Variants in KDM4C observed in about 807,000 individuals in gnomAD.
KDM4C encodes lysine demethylase 4C.
A neutral mutation model predicts 129.3 loss-of-function variants in KDM4C; 81 were observed. The observed-to-expected ratio is 0.63, with a 90% CI of 0.52 to 0.75. The LOEUF (loss-of-function observed/expected upper bound fraction) is 0.75, where lower values mean the gene tolerates loss of function less well. Ranked by LOEUF, KDM4C falls within the 30% of genes least tolerant of loss-of-function variation. KDM4C has a pLI of 0.00. For synonymous variants in KDM4C, 573 were observed against 456.1 expected (o/e 1.26, Z -3.26); for missense variants, 1,457 against 1,304.0 (o/e 1.12, Z -1.81).
chr9:6,995,768 T>C (rs1480250038), intron 12 of KDM4C, among the ~76,000 whole-genome samples: 1 of 151,862 alleles, frequency 6.6e-6, no homozygotes, highest in Non-Finnish European at 1.5e-5. Context: ...GCCTGCTGGG[T>C]TCACACCATT....
chr9:6,759,154 C>G (rs940940957), intron 1 of KDM4C, among the ~76,000 whole-genome samples: 1 of 152,038 alleles, frequency 6.6e-6, no homozygotes, highest in Non-Finnish European at 1.5e-5. Flanking sequence ...AAGCACTGTT[C>G]GGAAATGTAG....
At chr9:7,140,983 G>A (rs961036613) in intron 19 of KDM4C, among the ~76,000 whole-genome samples, 1 of 152,242 alleles carries the variant, frequency 6.6e-6, no homozygotes, top group Admixed American at 6.5e-5. Context: ...AAGTGCAGCT[G>A]CTGGAGGAGG....
At chr9:7,036,190 T>A (rs147987030) in intron 15 of KDM4C, among the ~76,000 whole-genome samples, 1 of 152,182 alleles carries the variant, frequency 6.6e-6, no homozygotes, top group Non-Finnish European at 1.5e-5. Context: ...TCTCTTATAG[T>A]GGTCTTTCAC....
At chr9:7,094,826 C>G (rs1198486086) in intron 17 of KDM4C, among the ~76,000 whole-genome samples, 1 of 152,160 alleles carries the variant, frequency 6.6e-6, no homozygotes, top group Non-Finnish European at 1.5e-5. Context: ...TGGGCTGCTG[C>G]TAGCATAATT....
intron 5 of KDM4C, among the ~76,000 whole-genome samples, chr9:6,859,791 A>G (rs12376501): frequency 0.26 from 38,616 of 149,208 alleles, 5,405 homozygotes; most frequent in Middle Eastern, 0.41. Flanking sequence ...CGTGAACCTG[A>G]GATGCGGAGC....
intron 17 of KDM4C, among the ~76,000 whole-genome samples, chr9:7,101,899 C>T (rs905362084): frequency 1.3e-5 from 2 of 152,070 alleles, no homozygotes; most frequent in African/African-American, 4.8e-5. Flanking sequence ...GCCCGGGGCT[C>T]CTGATAGGAG....
intron 8 of KDM4C, chr9:6,978,931 T>C (rs1833396501): frequency 6.8e-6 from 1 of 146,638 alleles, no homozygotes; most frequent in African/African-American, 2.5e-5. Flanking sequence ...AAGATGAATA[T>C]TAATAAGGTC....
chr9:6,926,085 G>A (rs889115216), intron 8 of KDM4C, among the ~76,000 whole-genome samples: 4 of 152,072 alleles, frequency 2.6e-5, no homozygotes, highest in African/African-American at 9.7e-5. Context: ...AAGTGCTGGC[G>A]ATGGTGAAAG....
chr9:7,121,421 A>G (rs78928500), intron 18 of KDM4C, among the ~76,000 whole-genome samples: 19 of 152,320 alleles, frequency 1.2e-4, no homozygotes, highest in South Asian at 2.1e-4. Context: ...ACGAAGGACT[A>G]TGAATCTGTG....
At chr9:6,944,085 A>G (rs974190348) in intron 8 of KDM4C, among the ~76,000 whole-genome samples, 1 of 152,232 alleles carries the variant, frequency 6.6e-6, no homozygotes, top group African/African-American at 2.4e-5. Flanking sequence ...CATTAGCTTC[A>G]TAATTTAAAA....
At chr9:7,038,456 C>A (rs1016381929) in intron 15 of KDM4C, among the ~76,000 whole-genome samples, 2 of 152,046 alleles carry the variant, frequency 1.3e-5, no homozygotes. Flanking sequence ...CTTCATACTA[C>A]TTGTTTTAAT....
Position 6,951,874 on chromosome 9 carries a change from C to T in KDM4C, c.922-29051C>T, listed in dbSNP as rs1056489101. ...CAATAGCAATATTATTTAAATGACA[C>T]GTTATAAATATATGATTATGATAAT... On this transcript the variant is annotated intron_variant, in intron 8 of 21. Coordinates refer to ENST00000381309, the MANE Select transcript of KDM4C (RefSeq NM_015061.6). Among the ~76,000 whole-genome samples the T allele has an allele frequency of 3.9e-5, 6 of 151,960 alleles. No homozygotes were observed. The South Asian group carries it at 8.3e-4, about 21-fold the overall frequency.
Position 7,128,060 on chromosome 9 carries a change from T to G in KDM4C, c.2611-6T>G. 1 of 1,492,570 alleles carries G rather than the reference T, an allele frequency of 6.7e-7. No homozygotes were observed. Among genetic ancestry groups the G allele is most frequent in the Non-Finnish European group, 9.0e-7 (1 of 1,117,292 alleles). 92.5% of individuals were successfully genotyped at this position (1,492,570 alleles called of 1,614,324 possible). On this transcript the variant is annotated splice_polypyrimidine_tract_variant and splice_region_variant and intron_variant, in intron 18 of 21. Transcript: ENST00000381309. ...TTTTCTTCCTTTTTTGTGTCCCTTC[T>G]TTTAGAAGTCCAAGGCTTGCGAGAA...
At chr9:7,068,547 C>A (rs901654963) in intron 17 of KDM4C, among the ~76,000 whole-genome samples, 4 of 152,148 alleles carry the variant, frequency 2.6e-5, no homozygotes, top group African/African-American at 9.7e-5. Context: ...TATTTCAGAA[C>A]GTGCCAGCTG....
At chr9:7,002,082 A>C (rs1351332020) in intron 12 of KDM4C, among the ~76,000 whole-genome samples, 1 of 152,082 alleles carries the variant, frequency 6.6e-6, no homozygotes, top group Middle Eastern at 3.2e-3. Flanking sequence ...TAGTAGAGAC[A>C]GGGTTTCTCC....
chr9:6,818,806 A>C (rs1319675961), intron 4 of KDM4C: 1 of 152,198 alleles, frequency 6.6e-6, no homozygotes, highest in African/African-American at 2.4e-5. Context: ...AAGGGCCATG[A>C]CACGCTCTTA....
chr9:6,858,822 A>T (rs1199958297), intron 5 of KDM4C, among the ~76,000 whole-genome samples: 4 of 149,888 alleles, frequency 2.7e-5, no homozygotes, highest in African/African-American at 9.8e-5. Flanking sequence ...AAGTTATTTT[A>T]CCCAGCTTTA....
At chr9:6,917,488 C>T (rs958108969) in intron 8 of KDM4C, among the ~76,000 whole-genome samples, 3 of 152,158 alleles carry the variant, frequency 2.0e-5, no homozygotes, top group Non-Finnish European at 2.9e-5. Flanking sequence ...CTTTGTTATA[C>T]TCATCTGGCA....
At chr9:7,127,958 T>C in intron 18 of KDM4C, 108 bp from the exon 19 acceptor site, 4 of 1,066,688 alleles carry the variant, frequency 3.7e-6, no homozygotes, top group Non-Finnish European at 5.0e-6. Context: ...TTTTTTTAAA[T>C]CTTGGCCAAA....
Sources: allele counts gnomAD v4.1 joint callset (sites outside exome capture counted in the v4.1 genomes callset), GRCh38; gene constraint gnomAD v4.1.1; transcripts MANE v1.5; gene names NCBI Gene and HGNC (gene_info 2026-07-23, HGNC 2026-07-21).